The following NXPE2 variants were observed in gnomAD, a reference collection of about 807,000 sequenced individuals.
NXPE2 encodes NXPE family member 2.
A neutral mutation model predicts 34.4 loss-of-function variants in NXPE2; 34 were observed. The observed-to-expected ratio is 0.99, with a 90% CI of 0.75 to 1.31. The LOEUF (loss-of-function observed/expected upper bound fraction) is 1.31, where lower values mean the gene tolerates loss of function less well. Ranked by LOEUF, NXPE2 falls within the 40% of genes most tolerant of loss-of-function variation. NXPE2 has a pLI of 0.00. For missense variants in NXPE2, 649 were observed against 672.5 expected, an observed-to-expected ratio of 0.97 and a Z score of 0.39; for synonymous variants, 235 against 231.3, an observed-to-expected ratio of 1.02 and a Z score of -0.15.
chr11:114,699,818 G>A (rs1314216607), intron 3 of NXPE2, among the ~76,000 whole-genome samples: 4 of 143,976 alleles, frequency 2.8e-5, no homozygotes, highest in South Asian at 4.4e-4. Context: ...TTTTGAGACC[G>A]AGTCTCGCTC....
the NXPE2 span, among the ~76,000 whole-genome samples, chr11:114,748,621 T>C: frequency 9.9e-5 from 15 of 152,226 alleles, no homozygotes; most frequent in Non-Finnish European, 2.2e-4. Flanking sequence ...CTTTATTAGA[T>C]TCAAGTTGTA....
At chr11:114,625,877 C>G in the NXPE2 span, among the ~76,000 whole-genome samples, 2 of 152,246 alleles carry the variant, frequency 1.3e-5, no homozygotes, top group Admixed American at 6.5e-5. Context: ...CGCAAGGGGT[C>G]AGGGAGTTCC....
the NXPE2 span, among the ~76,000 whole-genome samples, chr11:114,795,757 C>A: frequency 6.6e-6 from 1 of 152,232 alleles, no homozygotes; most frequent in Non-Finnish European, 1.5e-5. Flanking sequence ...GCATGTCTTA[C>A]ATTCAACTTA....
the NXPE2 span, among the ~76,000 whole-genome samples, chr11:114,750,327 T>C: frequency 1.3e-4 from 20 of 152,238 alleles, no homozygotes; most frequent in Non-Finnish European, 2.9e-4. Flanking sequence ...GGACAAGTTT[T>C]ACCCTTAATA....
At chr11:114,561,844 G>T in the NXPE2 span, among the ~76,000 whole-genome samples, 1 of 151,936 alleles carries the variant, frequency 6.6e-6, no homozygotes, top group South Asian at 2.1e-4. Context: ...TCATAATTTT[G>T]ATCACACTTT....
At chr11:114,715,924 C>G in the NXPE2 span, among the ~76,000 whole-genome samples, 1 of 152,188 alleles carries the variant, frequency 6.6e-6, no homozygotes, top group Non-Finnish European at 1.5e-5. Context: ...TGCATTTCCA[C>G]ATCTAGCTTC....
chr11:114,725,177 CT>C, the NXPE2 span, among the ~76,000 whole-genome samples: 1 of 152,106 alleles, frequency 6.6e-6, no homozygotes, highest in East Asian at 1.9e-4. Flanking sequence ...CTATATTAAC[CT>C]TGTATATGGT....
At chr11:114,614,976 G>T in the NXPE2 span, among the ~76,000 whole-genome samples, 5 of 149,970 alleles carry the variant, frequency 3.3e-5, no homozygotes, top group East Asian at 8.1e-4. Flanking sequence ...GTATTGCCTC[G>T]TGAGTAACCA....
chr11:114,580,974 A>G, the NXPE2 span, among the ~76,000 whole-genome samples: 1 of 152,336 alleles, frequency 6.6e-6, no homozygotes, highest in African/African-American at 2.4e-5. Context: ...TAATCAACTG[A>G]GAGAAGTAGT....
the NXPE2 span, among the ~76,000 whole-genome samples, chr11:114,759,092 G>A: frequency 2.3e-4 from 22 of 97,560 alleles, no homozygotes; most frequent in African/African-American, 5.2e-4. Context: ...GCGTACACAT[G>A]CGCACACACA....
chr11:114,552,303 A>G, the NXPE2 span, among the ~76,000 whole-genome samples: 90,930 of 151,860 alleles, frequency 0.6, 29,018 homozygotes, highest in African/African-American at 0.84. Context: ...ATGAATGAAT[A>G]CAGAAGAGAA....
At chr11:114,803,970 T>G in the NXPE2 span, among the ~76,000 whole-genome samples, 7 of 152,146 alleles carry the variant, frequency 4.6e-5, no homozygotes, top group Non-Finnish European at 1.0e-4. Flanking sequence ...CATTTAAAAC[T>G]GTAACATTGA....
the NXPE2 span, among the ~76,000 whole-genome samples, chr11:114,566,285 A>C: frequency 6.6e-6 from 1 of 152,188 alleles, no homozygotes; most frequent in African/African-American, 2.4e-5. Context: ...AAGTGGATGC[A>C]TAGGAATGAA....
At chr11:114,769,516 G>A in the NXPE2 span, among the ~76,000 whole-genome samples, 9 of 152,160 alleles carry the variant, frequency 5.9e-5, no homozygotes, top group Non-Finnish European at 1.3e-4. Flanking sequence ...GCACATGTAT[G>A]TTTATTGCAA....
chr11:114,579,262 G>A, the NXPE2 span, among the ~76,000 whole-genome samples: 1 of 152,140 alleles, frequency 6.6e-6, no homozygotes, highest in Non-Finnish European at 1.5e-5. Context: ...ATTACCATGG[G>A]GAGGGCACCA....
the NXPE2 span, among the ~76,000 whole-genome samples, chr11:114,630,004 G>T: frequency 6.6e-6 from 1 of 150,636 alleles, no homozygotes; most frequent in East Asian, 1.9e-4. Context: ...ACAAACCACT[G>T]CTCAAGGAAA....
intron 5 of NXPE2, among the ~76,000 whole-genome samples, 155 bp downstream of exon 5, chr11:114,706,151 A>C (rs1951468971): frequency 6.7e-6 from 1 of 149,678 alleles, no homozygotes; most frequent in Admixed American, 6.6e-5. Flanking sequence ...TGGGCTTTTA[A>C]TAAAAAGTTA....
At chr11:114,548,440 T>C in the NXPE2 span, among the ~76,000 whole-genome samples, 3 of 152,016 alleles carry the variant, frequency 2.0e-5, no homozygotes, top group African/African-American at 7.2e-5. Context: ...CCTCAATAAA[T>C]GCTAACTGGT....
the NXPE2 span, chr11:114,582,226 A>G: frequency 1.3e-6 from 2 of 1,493,380 alleles, no homozygotes; most frequent in South Asian, 1.4e-5. Flanking sequence ...TTTTCTTTGG[A>G]TCAGTATATA....
Sources: gnomAD v4.1 joint callset for allele counts (sites outside exome capture counted in the v4.1 genomes callset) on GRCh38, gnomAD v4.1.1 for gene constraint, MANE v1.5 for transcripts, NCBI Gene and HGNC (gene_info 2026-07-23, HGNC 2026-07-21) for gene names.